Variants in BMP5 observed in about 807,000 individuals in gnomAD.
The protein encoded by BMP5 is bone morphogenetic protein 5.
Under a neutral mutation model 46.6 loss-of-function variants are expected in BMP5, and 23 were observed. That is an observed-to-expected ratio of 0.49 (90% CI 0.35 to 0.70). The LOEUF (loss-of-function observed/expected upper bound fraction) is 0.70. BMP5 is among the 30% of genes least tolerant of loss of function. The pLI is 0.00. For missense variants in BMP5, 545 were observed against 565.6 expected, an observed-to-expected ratio of 0.96 and a Z score of 0.37; for synonymous variants, 204 against 191.9, an observed-to-expected ratio of 1.06 and a Z score of -0.52.
chr6:55,812,500 T>TCAGTC (rs1284763767), intron 2 of BMP5, among the ~76,000 whole-genome samples: 1 of 152,204 alleles, frequency 6.6e-6, no homozygotes, highest in East Asian at 1.9e-4. Flanking sequence ...CCATAAAACA[T>TCAGTC]CAGTCCAAAT....
chr6:55,789,639 T>C (rs957626302), intron 3 of BMP5, among the ~76,000 whole-genome samples: 6 of 152,078 alleles, frequency 3.9e-5, no homozygotes, highest in African/African-American at 1.4e-4. Context: ...TTAAGCCTAC[T>C]CATTTGCTAT....
At chr6:55,854,559 T>C (rs1777339953) in intron 1 of BMP5, among the ~76,000 whole-genome samples, 1 of 152,092 alleles carries the variant, frequency 6.6e-6, no homozygotes, top group Non-Finnish European at 1.5e-5. Flanking sequence ...CTTTTTAGCC[T>C]TATTTTACTA....
intron 1 of BMP5, among the ~76,000 whole-genome samples, chr6:55,843,282 T>C (rs976053415): frequency 1.7e-4 from 26 of 152,094 alleles, no homozygotes; most frequent in Admixed American, 1.5e-3. Flanking sequence ...CATAGAGGCA[T>C]ACAGTTTTTT....
chr6:55,870,120 G>A (rs1159927918), intron 1 of BMP5, among the ~76,000 whole-genome samples: 3 of 151,040 alleles, frequency 2.0e-5, no homozygotes, highest in Non-Finnish European at 2.9e-5. Context: ...AGCTGAGGCA[G>A]TCCCAAGTCC....
intron 3 of BMP5, among the ~76,000 whole-genome samples, chr6:55,783,281 TTTAA>T (rs1775369698): frequency 6.6e-6 from 1 of 152,054 alleles, no homozygotes; most frequent in Non-Finnish European, 1.5e-5. Flanking sequence ...GGATATATAA[TTTAA>T]TTGTCAAAGT....
At chr6:55,794,570 A>G in intron 2 of BMP5, 143 bp from the exon 3 acceptor site, 1 of 788,832 alleles carries the variant, frequency 1.3e-6, no homozygotes, top group Non-Finnish European at 2.1e-6. Context: ...GACTCAAGTG[A>G]TGAGTAATAA....
At chr6:55,774,350 A>G (rs1775121106) in intron 3 of BMP5, 107 bp from the exon 4 acceptor site, 3 of 1,035,860 alleles carry the variant, frequency 2.9e-6, no homozygotes, top group Non-Finnish European at 4.4e-6. Flanking sequence ...TTAAAACATT[A>G]TCAGAATGCC....
intron 5 of BMP5, 27 bp from the exon 6 acceptor site, chr6:55,759,142 CACAA>C (rs1774691724): frequency 1.8e-4 from 22 of 119,552 alleles, no homozygotes; most frequent in Non-Finnish European, 2.1e-4. Flanking sequence ...CACACACACA[CACAA>C]AAAAAAAAAA....
At chr6:55,847,476 C>T (rs1035407832) in intron 1 of BMP5, among the ~76,000 whole-genome samples, 1 of 151,870 alleles carries the variant, frequency 6.6e-6, no homozygotes, top group African/African-American at 2.4e-5. Flanking sequence ...AGGAATGCAA[C>T]GGCCTTAAAG....
intron 1 of BMP5, among the ~76,000 whole-genome samples, chr6:55,844,767 G>A (rs893520796): frequency 7.3e-5 from 11 of 151,556 alleles, no homozygotes; most frequent in African/African-American, 2.4e-4. Context: ...GAAACTCTAA[G>A]AATACTTATA....
At chr6:55,793,459 GC>G (rs1775621915) in intron 3 of BMP5, among the ~76,000 whole-genome samples, 1 of 152,118 alleles carries the variant, frequency 6.6e-6, no homozygotes, top group African/African-American at 2.4e-5. Context: ...ATCTGCATTG[GC>G]TCACTTTTAT....
intron 1 of BMP5, among the ~76,000 whole-genome samples, chr6:55,868,073 C>T (rs181227017): frequency 9.8e-4 from 149 of 152,204 alleles, no homozygotes; most frequent in African/African-American, 3.4e-3. Flanking sequence ...AGAGTCAGAA[C>T]AACAAATAAC....
chr6:55,837,561 G>T (rs1403146621), intron 1 of BMP5, among the ~76,000 whole-genome samples: 1 of 152,072 alleles, frequency 6.6e-6, no homozygotes, highest in East Asian at 1.9e-4. Flanking sequence ...TGGGATACAT[G>T]AGATGTTTCA....
chr6:55,793,694 CT>C (rs1775629121), intron 3 of BMP5, among the ~76,000 whole-genome samples: 1 of 152,122 alleles, frequency 6.6e-6, no homozygotes, highest in Non-Finnish European at 1.5e-5. Flanking sequence ...GAGCAGTAGT[CT>C]TTGATCAAAC....
intron 5 of BMP5, among the ~76,000 whole-genome samples, chr6:55,759,756 C>T (rs897557156): frequency 2.6e-5 from 4 of 151,630 alleles, no homozygotes; most frequent in African/African-American, 7.3e-5. Context: ...TGAATGGTTG[C>T]CTTGATATTT....
At chr6:55,859,565 C>A (rs896486827) in intron 1 of BMP5, among the ~76,000 whole-genome samples, 1 of 152,088 alleles carries the variant, frequency 6.6e-6, no homozygotes, top group Admixed American at 6.5e-5. Context: ...TACAACCTTA[C>A]ATAAACAGTT....
intron 4 of BMP5, chr6:55,772,862 C>G: frequency 1.0e-6 from 1 of 985,062 alleles, no homozygotes; most frequent in Non-Finnish European, 1.2e-6. Context: ...TGGTGCCTAC[C>G]CTTTAGGAAA....
At chr6:55,857,809 G>A (rs1036617555) in intron 1 of BMP5, among the ~76,000 whole-genome samples, 4 of 151,754 alleles carry the variant, frequency 2.6e-5, no homozygotes, top group Non-Finnish European at 4.4e-5. Context: ...TGAGATCTCG[G>A]CTCACTGCAA....
intron 2 of BMP5, among the ~76,000 whole-genome samples, chr6:55,816,416 T>G (rs1355804221): frequency 2.0e-5 from 3 of 152,096 alleles, no homozygotes; most frequent in Non-Finnish European, 4.4e-5. Context: ...AGAATATTAT[T>G]TTCAACTCTT....
Sources: gnomAD v4.1 joint callset for allele counts (sites outside exome capture counted in the v4.1 genomes callset) on GRCh38, gnomAD v4.1.1 for gene constraint, MANE v1.5 for transcripts, NCBI Gene and HGNC (gene_info 2026-07-23, HGNC 2026-07-21) for gene names.